Variants in SEL1L2 observed in about 807,000 individuals in gnomAD.
SEL1L2 encodes the protein SEL1L2 adaptor subunit of SYVN1 ubiquitin ligase.
In SEL1L2, 89 loss-of-function variants were observed where a neutral mutation model predicts 98.8. The ratio of observed to expected loss-of-function variants is 0.90; its 90% CI spans 0.76 to 1.07. SEL1L2 has a LOEUF of 1.07. SEL1L2 is among the 50% of genes least tolerant of loss of function. The pLI is 0.00. For synonymous variants in SEL1L2, 262 were observed against 278.5 expected (o/e 0.94, Z 0.59); for missense variants, 788 against 812.0 (o/e 0.97, Z 0.36).
intron 4 of SEL1L2, among the ~76,000 whole-genome samples, chr20:13,918,580 A>G (rs1156898670): frequency 1.3e-5 from 2 of 152,230 alleles, no homozygotes; most frequent in African/African-American, 4.8e-5. Context: ...ACCTTATAAG[A>G]CTGTTCTGGG....
At chr20:13,956,392 A>G (rs2050545602) in intron 1 of SEL1L2, among the ~76,000 whole-genome samples, 2 of 152,192 alleles carry the variant, frequency 1.3e-5, no homozygotes, top group Non-Finnish European at 1.5e-5. Flanking sequence ...ATAACATGAA[A>G]GAGTTCTATA....
chr20:13,850,401 ATTAAGGTT>A, intron 18 of SEL1L2, 82 bp from the exon 19 acceptor site: 1 of 1,489,954 alleles, frequency 6.7e-7, no homozygotes, highest in Non-Finnish European at 9.3e-7. Context: ...ATCAAATGTA[ATTAAGGTT>A]ACAGGTCTTA....
chr20:13,957,624 C>G (rs1600918639), intron 1 of SEL1L2, among the ~76,000 whole-genome samples: 1 of 152,124 alleles, frequency 6.6e-6, no homozygotes, highest in Non-Finnish European at 1.5e-5. Flanking sequence ...CACCTGTAAA[C>G]CCAACACTTT....
chr20:13,904,546 A>T (rs1005478516), intron 5 of SEL1L2, among the ~76,000 whole-genome samples: 6 of 151,740 alleles, frequency 4.0e-5, no homozygotes, highest in Admixed American at 1.3e-4. Flanking sequence ...CAAACAAATA[A>T]ATATATATAT....
chr20:13,939,300 C>T (rs1241313442), intron 2 of SEL1L2, among the ~76,000 whole-genome samples: 1 of 151,962 alleles, frequency 6.6e-6, no homozygotes, highest in African/African-American at 2.4e-5. Context: ...ACCTTGGCCT[C>T]CCAAAACGCT....
In SEL1L2 at chr20:13,870,177, A is replaced by G; in HGVS notation, c.1131T>C (p.Leu377=). 1.9e-6 allele frequency: 3 copies of G among 1,611,694 alleles called. No homozygotes were observed. Among genetic ancestry groups the G allele is most frequent in the Non-Finnish European group, 2.5e-6 (3 of 1,178,330 alleles). The change falls in exon 13 of 20, where the codon CTT becomes CTC. Residue 377 remains leucine (L), a synonymous_variant. Transcript: ENST00000284951. ...CTTTTCCATGAAAGTAAAGAAGACC[A>G]AGCCCATGAAGGCCGATTGCATTGC... ...SKGNAIGLHG[L]GLLYFHGKGV...
chr20:13,986,769 C>G (rs755580690), intron 1 of SEL1L2, among the ~76,000 whole-genome samples: 1 of 152,154 alleles, frequency 6.6e-6, no homozygotes, highest in Non-Finnish European at 1.5e-5. Context: ...TGGTTATATA[C>G]CTAGTAATGA....
intron 3 of SEL1L2, among the ~76,000 whole-genome samples, chr20:13,921,081 T>C (rs1384896136): frequency 6.6e-6 from 1 of 152,238 alleles, no homozygotes; most frequent in African/African-American, 2.4e-5. Flanking sequence ...AGATTGGCTC[T>C]GTATACATAT....
chr20:13,941,223 G>A (rs931546180), intron 2 of SEL1L2, among the ~76,000 whole-genome samples: 2 of 152,140 alleles, frequency 1.3e-5, no homozygotes, highest in African/African-American at 4.8e-5. Context: ...CAGGTTGATG[G>A]CCCCTGCAGA....
intron 5 of SEL1L2, among the ~76,000 whole-genome samples, chr20:13,892,612 AAAG>A (rs1485175973): frequency 3.9e-5 from 6 of 152,210 alleles, no homozygotes; most frequent in Non-Finnish European, 7.4e-5. Flanking sequence ...TAAGAGAGGA[AAAG>A]AAGGACAAAA....
At chr20:13,949,869 A>G (rs1170093546) in intron 2 of SEL1L2, among the ~76,000 whole-genome samples, 3 of 152,240 alleles carry the variant, frequency 2.0e-5, no homozygotes, top group African/African-American at 7.2e-5. Flanking sequence ...GCCCAAAAGA[A>G]TTGAAACAGG....
intron 5 of SEL1L2, among the ~76,000 whole-genome samples, chr20:13,895,526 A>C (rs2047385184): frequency 6.6e-6 from 1 of 152,176 alleles, no homozygotes. Context: ...TTGATGGATA[A>C]AAAATATTTG....
chr20:13,977,737 T>C (rs2051614754), intron 1 of SEL1L2, among the ~76,000 whole-genome samples: 1 of 152,138 alleles, frequency 6.6e-6, no homozygotes, highest in Admixed American at 6.5e-5. Context: ...AAGACTGTCC[T>C]CTCTCCAATA....
rs35956258 is a variant in SEL1L2 at position 13,856,454 on chromosome 20, CTT to C, written c.1818+2806_1818+2807del. Among the ~76,000 whole-genome samples, 18 of 152,278 alleles carry C rather than the reference CTT, an allele frequency of 1.2e-4. No homozygotes were observed. The East Asian group carries it at 2.9e-3, about 24-fold the overall frequency. On this transcript the variant is annotated intron_variant, in intron 18 of 19. Transcript: ENST00000284951. ...CCTCTGAGAAACAGTTTCATAACAA[CTT>C]GTGTGTGAATGCTTGTGTTTCTGAA...
At chr20:13,946,041 A>C (rs1180337913) in intron 2 of SEL1L2, among the ~76,000 whole-genome samples, 1 of 152,206 alleles carries the variant, frequency 6.6e-6, no homozygotes, top group Non-Finnish European at 1.5e-5. Flanking sequence ...AAAGACCAAA[A>C]GCTTTTCCTC....
intron 18 of SEL1L2, among the ~76,000 whole-genome samples, chr20:13,856,801 C>T (rs147281691): frequency 9.2e-5 from 14 of 152,308 alleles, no homozygotes; most frequent in African/African-American, 3.1e-4. Flanking sequence ...TCCATATCAC[C>T]TTCTTTGATT....
chr20:13,895,500 T>C (rs1326714261), intron 5 of SEL1L2, among the ~76,000 whole-genome samples: 1 of 142,654 alleles, frequency 7.0e-6, no homozygotes, highest in Non-Finnish European at 1.5e-5. Flanking sequence ...ATTAACTGAA[T>C]GGAGGACAAA....
chr20:13,936,445 C>T (rs1007376153), intron 2 of SEL1L2, among the ~76,000 whole-genome samples: 4 of 152,156 alleles, frequency 2.6e-5, no homozygotes, highest in Non-Finnish European at 5.9e-5. Context: ...TTACAACTTC[C>T]CCAATGACTC....
At chr20:13,935,958 C>G (rs1392594486) in intron 2 of SEL1L2, among the ~76,000 whole-genome samples, 1 of 152,084 alleles carries the variant, frequency 6.6e-6, no homozygotes, top group Non-Finnish European at 1.5e-5. Context: ...ACAAGATTTT[C>G]TGTTGAAGGG....
Sources: gnomAD v4.1 joint callset for allele counts (sites outside exome capture counted in the v4.1 genomes callset) on GRCh38, gnomAD v4.1.1 for gene constraint, MANE v1.5 for transcripts, NCBI Gene and HGNC (gene_info 2026-07-23, HGNC 2026-07-21) for gene names.